Variants in TOP1 observed in about 807,000 individuals in gnomAD.
TOP1 encodes the protein DNA topoisomerase I, also known as DNA topoisomerase 1.
Under a neutral mutation model 111.1 loss-of-function variants are expected in TOP1, and 10 were observed. The ratio of observed to expected loss-of-function variants is 0.09; its 90% CI spans 0.06 to 0.15. The LOEUF (loss-of-function observed/expected upper bound fraction) is 0.15, where lower values mean the gene tolerates loss of function less well. TOP1 is among the 10% of genes least tolerant of loss of function. The pLI is 1.00. For missense variants in TOP1, 474 were observed against 926.7 expected (o/e 0.51, Z 6.34); for synonymous variants, 271 against 302.9 (o/e 0.89, Z 1.10).
intron 2 of TOP1, among the ~76,000 whole-genome samples, chr20:41,051,870 G>T (rs2033410160): frequency 6.6e-6 from 1 of 152,082 alleles, no homozygotes; most frequent in Non-Finnish European, 1.5e-5. Context: ...TCAGTTCTAT[G>T]TAAATTAATC....
chr20:41,032,705 C>T lies in TOP1; in HGVS notation c.58+3250C>T, dbSNP rs1392817376. Among the ~76,000 whole-genome samples, 1 of 152,132 alleles carries T rather than the reference C, an allele frequency of 6.6e-6. No homozygotes were observed. The highest frequency in any genetic ancestry group is 1.5e-5 in the Non-Finnish European group (1 of 68,014). ...GGTTTGACATCATCTTGTGCTGATT[C>T]TGGTTGGCTTAATGGAATCAAATTG... is the stretch of plus-strand genomic sequence containing the variant. On this transcript the variant is annotated intron_variant, in intron 2 of 20. Coordinates refer to ENST00000361337, the MANE Select transcript of TOP1 (RefSeq NM_003286.4). The surrounding 1 kb of genome is among the most constrained non-coding windows in gnomAD (Gnocchi z 4.3).
Position 41,065,594 on chromosome 20 carries a change from C to T in TOP1, c.155+4104C>T, listed in dbSNP as rs112382173. 1.8e-3 allele frequency among the ~76,000 whole-genome samples: 278 copies of T among 152,106 alleles called. 4 individuals carry two copies. The South Asian group carries it at 0.024, about 13-fold the overall frequency. On this transcript the variant is annotated intron_variant, in intron 3 of 20. Coordinates refer to ENST00000361337, the MANE Select transcript of TOP1 (RefSeq NM_003286.4). ...TCTACTTTGTCTTTTTTTCTCTTTC[C>T]CTTCTACCTTTTATCTTTATGAATT...
At chr20:41,089,111 G>A (rs551884665) in intron 8 of TOP1, among the ~76,000 whole-genome samples, 25 of 139,082 alleles carry the variant, frequency 1.8e-4, no homozygotes, top group African/African-American at 4.3e-4. Context: ...TGCAACCTTC[G>A]CCTCCTGGGT....
intron 3 of TOP1, among the ~76,000 whole-genome samples, chr20:41,065,726 G>T (rs534177291): frequency 6.6e-6 from 1 of 152,050 alleles, no homozygotes; most frequent in East Asian, 1.9e-4. Context: ...GTATTGTAGC[G>T]TATCAGAAAT....
intron 5 of TOP1, among the ~76,000 whole-genome samples, chr20:41,077,952 T>G (rs79819619): frequency 2.0e-4 from 21 of 104,438 alleles, no homozygotes; most frequent in African/African-American, 7.0e-4. Flanking sequence ...TGTACCATTT[T>G]TTTTTTTTTT....
rs1003330076 is a variant in TOP1, at chr20:41,058,260, A to C, written c.59-3134A>C. Among the ~76,000 whole-genome samples, 1 of 152,232 alleles carries C rather than the reference A, an allele frequency of 6.6e-6. No individual in the cohort carries two copies. Among genetic ancestry groups the C allele is most frequent in the African/African-American group, 2.4e-5 (1 of 41,462 alleles). ...GAAGACACATTGCCTATGCATTATT[A>C]ATTGATTGCTATAAAACATGTTGCC... On this transcript the variant is annotated intron_variant, in intron 2 of 20. Transcript: ENST00000361337. The surrounding 1 kb of genome is among the most constrained non-coding windows in gnomAD (Gnocchi z 4.2).
chr20:41,056,659 T>G (rs781104505), intron 2 of TOP1, among the ~76,000 whole-genome samples: 132 of 152,094 alleles, frequency 8.7e-4, no homozygotes, highest in Non-Finnish European at 1.1e-3. Flanking sequence ...TTTAAACAGT[T>G]TTCGTAGAGA....
rs2145925582 is a variant in TOP1 at position 41,058,814 on chromosome 20, T to C, written c.59-2580T>C. 6.6e-6 allele frequency among the ~76,000 whole-genome samples: 1 copy of C among 152,242 alleles called. No homozygotes were observed. The highest frequency in any genetic ancestry group is 2.4e-5 in the African/African-American group (1 of 41,524). ...GGGTCCGGAAATAGACCTATAATTA[T>C]ATGACCGCTCGAAAACGCCAAGACA... On this transcript the variant is annotated intron_variant, in intron 2 of 20. Transcript: ENST00000361337. The surrounding 1 kb of genome is among the most constrained non-coding windows in gnomAD (Gnocchi z 4.2).
chr20:41,052,975 G>A (rs570297574), intron 2 of TOP1, among the ~76,000 whole-genome samples: 1 of 152,260 alleles, frequency 6.6e-6, no homozygotes, highest in East Asian at 1.9e-4. Flanking sequence ...GGACAGTAGA[G>A]TGAGACTCTG....
Position 41,116,212 on chromosome 20 carries a change from C to T in TOP1, c.1708-66C>T. Reference sequence around the variant, plus strand: ...TGTGACTGCACTGGCATAAATTACTCCTAGGGCTGCCAGAAGGAGCAGGTA... The same window carrying T: ...TGTGACTGCACTGGCATAAATTACTTCTAGGGCTGCCAGAAGGAGCAGGTA... On this transcript the variant is annotated intron_variant, in intron 16 of 20. Transcript: ENST00000361337. This position sits in a 1 kb window ranked among gnomAD's most constrained non-coding sequence, Gnocchi z 5.6. 1 of 1,044,660 alleles carries T rather than the reference C, an allele frequency of 9.6e-7. No individual in the cohort carries two copies. The highest frequency in any genetic ancestry group is 2.4e-5 in the East Asian group (1 of 41,306). 64.7% of individuals were successfully genotyped at this position (1,044,660 alleles called of 1,614,324 possible).
rs549008900 is a variant in TOP1 at position 41,100,719 on chromosome 20, C to T, written c.1163+476C>T. The stretch of plus-strand genomic sequence containing the variant: ...ATTAAGTCGATAATTTCCACCTTTT[C>T]ATTTAAAGCACTCTGTGCAGCTTCT... On this transcript the variant is annotated intron_variant, in intron 12 of 20. Transcript: ENST00000361337. The surrounding 1 kb of genome is among the most constrained non-coding windows in gnomAD (Gnocchi z 4.4). 9.9e-4 allele frequency: 158 copies of T among 159,560 alleles called. No individual in the cohort carries two copies. The highest frequency in any genetic ancestry group is 1.1e-3 in the Non-Finnish European group (82 of 72,824). 9.9% of individuals were successfully genotyped at this position (159,560 alleles called of 1,614,324 possible). A position where few individuals can be genotyped will look rare whatever the true frequency, so the allele number is the denominator to read the frequency against.
chr20:41,123,122 C>A lies in TOP1; in HGVS notation c.2196-73C>A. 1.0e-6 allele frequency: 1 copy of A among 971,738 alleles called. No individual in the cohort carries two copies. The highest frequency in any genetic ancestry group is 1.6e-6 in the Non-Finnish European group (1 of 610,330). 60.2% of individuals were successfully genotyped at this position (971,738 alleles called of 1,614,324 possible). On this transcript the variant is annotated intron_variant, in intron 20 of 20. Coordinates refer to ENST00000361337, the MANE Select transcript of TOP1 (RefSeq NM_003286.4). This position sits in a 1 kb window ranked among gnomAD's most constrained non-coding sequence, Gnocchi z 5.8. ...AGATGTGAAAGAGAAGATGGAACAT[C>A]TGACCCTGGGCCTCAGATATGGGCC...
At chr20:41,090,691 CG>C (rs35499835) in intron 8 of TOP1, among the ~76,000 whole-genome samples, 5 of 151,062 alleles carry the variant, frequency 3.3e-5, no homozygotes, top group African/African-American at 9.8e-5. Context: ...TTAGTAGAGA[CG>C]GGGGGGTCTC....
Position 41,106,962 on chromosome 20 carries a change from A to G in TOP1, c.1308+5609A>G, listed in dbSNP as rs1041835859. Among the ~76,000 whole-genome samples the G allele has an allele frequency of 6.6e-6, 1 of 152,214 alleles. No individual in the cohort carries two copies. The highest frequency in any genetic ancestry group is 6.5e-5 in the Admixed American group (1 of 15,284). On this transcript the variant is annotated intron_variant, in intron 13 of 20. Coordinates refer to ENST00000361337, the MANE Select transcript of TOP1 (RefSeq NM_003286.4). This position sits in a 1 kb window ranked among gnomAD's most constrained non-coding sequence, Gnocchi z 4.3. ...ACCCTTTCCCTAGTCAACAGCAGTC[A>G]CAGCCAAATGTTTTATTAATTGCTA...
At chr20:41,086,901 G>T (rs1403271482) in intron 8 of TOP1, among the ~76,000 whole-genome samples, 1 of 152,142 alleles carries the variant, frequency 6.6e-6, no homozygotes, top group Non-Finnish European at 1.5e-5. Context: ...TGAATGAAGA[G>T]CCTCTTAACT....
chr20:41,029,174 C>T lies in TOP1; in HGVS notation c.33+74C>T. The T allele has an allele frequency of 8.4e-7, 1 of 1,190,612 alleles. No individual in the cohort carries two copies. The highest frequency in any genetic ancestry group is 1.1e-6 in the Non-Finnish European group (1 of 906,472). 73.8% of individuals were successfully genotyped at this position (1,190,612 alleles called of 1,614,324 possible). A position where few individuals can be genotyped will look rare whatever the true frequency, so the allele number is the denominator to read the frequency against. Reference sequence around the variant, plus strand: ...CCGCGACCCCCGGCGCAGGCCCCGACCCCAGCCCCGGCCCGGCAGCTTTGA... The same window carrying T: ...CCGCGACCCCCGGCGCAGGCCCCGATCCCAGCCCCGGCCCGGCAGCTTTGA... On this transcript the variant is annotated intron_variant, in intron 1 of 20. Transcript: ENST00000361337. The surrounding 1 kb of genome is among the most constrained non-coding windows in gnomAD (Gnocchi z 6.1).
intron 3 of TOP1, among the ~76,000 whole-genome samples, chr20:41,068,541 T>C (rs1306459978): frequency 2.6e-5 from 4 of 152,088 alleles, no homozygotes; most frequent in Non-Finnish European, 5.9e-5. Flanking sequence ...GCTGGGACAA[T>C]AGGCATGCAC....
chr20:41,055,814 C>T (rs2033463236), intron 2 of TOP1, among the ~76,000 whole-genome samples: 2 of 152,154 alleles, frequency 1.3e-5, no homozygotes, highest in Non-Finnish European at 2.9e-5. Flanking sequence ...TCAGAAACCT[C>T]TAACTATTTA....
intron 2 of TOP1, among the ~76,000 whole-genome samples, chr20:41,055,376 G>C (rs182229978): frequency 7.2e-5 from 11 of 152,274 alleles, no homozygotes; most frequent in African/African-American, 2.6e-4. Context: ...AAGGGGAAAA[G>C]GTATGTGCTG....
Sources: allele counts gnomAD v4.1 joint callset (sites outside exome capture counted in the v4.1 genomes callset), GRCh38; gene constraint gnomAD v4.1.1; non-coding constraint Gnocchi (gnomAD v3.1); transcripts MANE v1.5; gene names NCBI Gene and HGNC (gene_info 2026-07-23, HGNC 2026-07-21).